The following CSMD1 variants were observed in gnomAD, a reference collection of about 807,000 sequenced individuals.
The protein encoded by CSMD1 is CUB and sushi domain-containing protein 1.
CSMD1 carries 213 observed loss-of-function variants against 417.5 expected under a neutral mutation model. The ratio of observed to expected loss-of-function variants is 0.51; its 90% confidence interval spans 0.46 to 0.57. CSMD1 has a LOEUF of 0.57. Among genes scored for constraint, CSMD1 ranks in the 20% least tolerant of loss-of-function variants. The pLI, the probability that CSMD1 is intolerant of heterozygous loss-of-function variation, is 0.00. For missense variants in CSMD1, 6,923 were observed against 4,529.7 expected, an observed-to-expected ratio of 1.53 and a Z score of -15.17; for synonymous variants, 2,862 against 1,736.8, an observed-to-expected ratio of 1.65 and a Z score of -16.11.
At chr8:3,460,312 G>A (rs1169868467) in intron 12 of CSMD1, among the ~76,000 whole-genome samples, 1 of 152,144 alleles carries the variant, frequency 6.6e-6, no homozygotes, top group Non-Finnish European at 1.5e-5. Context: ...AGGAAGATTT[G>A]AAGATCAGGA....
At chr8:4,888,291 C>G (rs956673700) in intron 1 of CSMD1, among the ~76,000 whole-genome samples, 1 of 152,006 alleles carries the variant, frequency 6.6e-6, no homozygotes, top group African/African-American at 2.4e-5. Context: ...AATACACACC[C>G]TCTCCTCACA....
chr8:4,284,417 C>G (rs569138542), intron 3 of CSMD1, among the ~76,000 whole-genome samples: 2 of 119,022 alleles, frequency 1.7e-5, no homozygotes, highest in South Asian at 2.9e-4. Flanking sequence ...TCAGGAGAGA[C>G]AAACACTGCG....
At chr8:4,339,676 C>G (rs1190413892) in intron 3 of CSMD1, among the ~76,000 whole-genome samples, 2 of 151,912 alleles carry the variant, frequency 1.3e-5, no homozygotes, top group Non-Finnish European at 2.9e-5. Context: ...GTTTGGATGG[C>G]CAAACAGTTT....
rs1292856166 is a variant in CSMD1 at position 3,835,970 on chromosome 8, T to A, written c.819-81928A>T. 2.0e-5 allele frequency among the ~76,000 whole-genome samples: 3 copies of A among 152,166 alleles called. No individual in the cohort carries two copies. In the East Asian group the frequency reaches 5.8e-4, roughly 29 times the overall value. ...GAATAGAACTTTTGGATTAAGACCTTGACTCTCTTATTATTTCTATAAGAT... is the reference window on the plus strand; with the variant it reads ...GAATAGAACTTTTGGATTAAGACCTAGACTCTCTTATTATTTCTATAAGAT... On this transcript the variant is annotated intron_variant, in intron 5 of 69. Transcript: ENST00000635120.
At chr8:4,906,584 T>C (rs201758156) in intron 1 of CSMD1, among the ~76,000 whole-genome samples, 1,800 of 9,030 alleles carry the variant, frequency 0.2, 18 homozygotes, top group African/African-American at 0.31. Context: ...TGCTTTTTTT[T>C]CCCCCACTTT....
chr8:2,989,319 G>T (rs1806184265), intron 54 of CSMD1, among the ~76,000 whole-genome samples: 1 of 151,884 alleles, frequency 6.6e-6, no homozygotes, highest in Non-Finnish European at 1.5e-5. Context: ...TAAATTCTGT[G>T]TACTAGATTG....
chr8:4,015,235 A>G (rs1796464592), intron 4 of CSMD1, among the ~76,000 whole-genome samples: 1 of 152,186 alleles, frequency 6.6e-6, no homozygotes, highest in South Asian at 2.1e-4. Context: ...TCATTTTACA[A>G]TGTTACCGCT....
intron 3 of CSMD1, among the ~76,000 whole-genome samples, chr8:4,149,289 G>T (rs1252581843): frequency 1.3e-5 from 2 of 152,108 alleles, no homozygotes; most frequent in Middle Eastern, 3.2e-3. Flanking sequence ...CCTAAAAAAA[G>T]TAAAGATAAG....
chr8:3,331,237 C>CAAAAAAAAAAAAAAAAAAAAAAA (rs112278319), intron 23 of CSMD1, among the ~76,000 whole-genome samples: 18 of 128,516 alleles, frequency 1.4e-4, no homozygotes, highest in African/African-American at 5.7e-4. Flanking sequence ...GACTCCGTCT[C>CAAAAAAAAAAAAAAAAAAAAAAA]AAAAAAAAAA....
At chr8:3,484,044 T>C (rs1008645920) in intron 11 of CSMD1, among the ~76,000 whole-genome samples, 2 of 152,216 alleles carry the variant, frequency 1.3e-5, no homozygotes, top group Admixed American at 1.3e-4. Flanking sequence ...AGCAATGTTT[T>C]TATACATTGC....
chr8:4,280,436 C>T (rs895501631), intron 3 of CSMD1, among the ~76,000 whole-genome samples: 1 of 152,156 alleles, frequency 6.6e-6, no homozygotes, highest in African/African-American at 2.4e-5. Context: ...AAATGTGCGA[C>T]CGGATACCAA....
intron 3 of CSMD1, among the ~76,000 whole-genome samples, chr8:4,230,242 C>G (rs923984899): frequency 2.0e-5 from 3 of 152,108 alleles, no homozygotes; most frequent in African/African-American, 7.2e-5. Context: ...TGTTGCTCTA[C>G]AATAGATTTA....
chr8:4,575,197 C>T (rs924134505), intron 2 of CSMD1, among the ~76,000 whole-genome samples: 1 of 152,166 alleles, frequency 6.6e-6, no homozygotes, highest in African/African-American at 2.4e-5. Context: ...TGACCTCTTC[C>T]AAGGTTACTA....
intron 2 of CSMD1, among the ~76,000 whole-genome samples, chr8:4,526,234 A>G (rs545341772): frequency 6.6e-6 from 1 of 152,356 alleles, no homozygotes; most frequent in Non-Finnish European, 1.5e-5. Flanking sequence ...TGATTATAAT[A>G]CTAGACAAGA....
intron 5 of CSMD1, among the ~76,000 whole-genome samples, chr8:3,982,979 T>C (rs1419138041): frequency 2.6e-5 from 4 of 151,978 alleles, no homozygotes; most frequent in African/African-American, 9.7e-5. Flanking sequence ...AAACGACAAA[T>C]AGGGCCCCTA....
At chr8:4,270,057 T>G (rs368965062) in intron 3 of CSMD1, among the ~76,000 whole-genome samples, 1 of 152,194 alleles carries the variant, frequency 6.6e-6, no homozygotes, top group South Asian at 2.1e-4. Flanking sequence ...TGATGAAATA[T>G]TGAAAAGCTT....
At chr8:3,796,438 C>CATGTATAGATATAGATATA (rs1800149684) in intron 5 of CSMD1, among the ~76,000 whole-genome samples, 2 of 75,456 alleles carry the variant, frequency 2.7e-5, no homozygotes, top group South Asian at 4.6e-4. Context: ...ATATATATAT[C>CATGTATAGATATAGATATA]TATCGTGTAT....
chr8:2,999,936 C>A (rs538694043), intron 53 of CSMD1, 22 bp downstream of exon 53: 2 of 1,577,914 alleles, frequency 1.3e-6, no homozygotes, highest in East Asian at 4.5e-5. Context: ...TCGATGAATT[C>A]GTCCACAAAG....
At chr8:4,562,413 T>A (rs1307562266) in intron 2 of CSMD1, among the ~76,000 whole-genome samples, 1 of 152,188 alleles carries the variant, frequency 6.6e-6, no homozygotes, top group Admixed American at 6.6e-5. Flanking sequence ...TAAATTATTT[T>A]AATTCTTTAA....
Sources: gnomAD v4.1 joint callset for allele counts (sites outside exome capture counted in the v4.1 genomes callset) on GRCh38, gnomAD v4.1.1 for gene constraint, MANE v1.5 for transcripts, NCBI Gene and HGNC (gene_info 2026-07-23, HGNC 2026-07-21) for gene names.